The following CRY2 variants were observed in gnomAD, a reference collection of about 807,000 sequenced individuals.
The protein encoded by CRY2 is cryptochrome circadian regulator 2.
Under a neutral mutation model 69.5 loss-of-function variants are expected in CRY2, and 31 were observed. That is an observed-to-expected ratio of 0.45 (90% CI 0.34 to 0.60). The LOEUF (loss-of-function observed/expected upper bound fraction) is 0.60. Among genes scored for constraint, CRY2 ranks in the 20% least tolerant of loss-of-function variants. CRY2 has a pLI of 0.02. For missense variants in CRY2, 606 were observed against 797.8 expected, an observed-to-expected ratio of 0.76 and a Z score of 2.90; for synonymous variants, 303 against 312.2, an observed-to-expected ratio of 0.97 and a Z score of 0.31.
rs370942873 is a variant in CRY2, at chr11:45,861,036, C to A, written c.652+4C>A. On this transcript the variant is annotated splice_donor_region_variant and intron_variant, in intron 4 of 11. Coordinates refer to ENST00000616080, the MANE Select transcript of CRY2 (RefSeq NM_021117.5). ...GTGCCCTCCCTGGAGGAGCTGGGTG[C>A]GTACTTCCTGCCCAGAGCCACTTGT... is the stretch of plus-strand genomic sequence containing the variant. 32 of 1,609,190 alleles carry A rather than the reference C, an allele frequency of 2.0e-5. 1 individual carries two copies. In the South Asian group the frequency reaches 3.5e-4, roughly 18 times the overall value.
At chr11:45,866,630 A>G (rs2086332589) in intron 5 of CRY2, among the ~76,000 whole-genome samples, 1 of 152,260 alleles carries the variant, frequency 6.6e-6, no homozygotes, top group Non-Finnish European at 1.5e-5. Context: ...GTTAGAGACC[A>G]GCCTGGCCAA....
chr11:45,870,593 C>T (rs2086371017), intron 9 of CRY2, 61 bp downstream of exon 9: 1 of 1,575,572 alleles, frequency 6.3e-7, no homozygotes, highest in Admixed American at 1.7e-5. Flanking sequence ...CTCAGGGGGC[C>T]AGATGGGGAT....
At chr11:45,847,470 G>T, upstream of CRY2, 2 of 1,599,354 alleles carry the variant, frequency 1.3e-6, no homozygotes. Flanking sequence ...AGCGGGGGTG[G>T]CTGGAGCAGT....
chr11:45,857,122 T>A (rs986798325), intron 2 of CRY2, among the ~76,000 whole-genome samples: 4 of 152,018 alleles, frequency 2.6e-5, no homozygotes, highest in Admixed American at 2.6e-4. Context: ...ATCCTTCAAT[T>A]CCCCTCCCCG....
chr11:45,847,554 G>T lies in CRY2; in HGVS notation c.64G>T (p.Ala22Ser). The change falls in exon 1 of 12, where the codon GCC becomes TCC. Residue 22 changes from alanine to serine, a missense_variant. Coordinates refer to ENST00000616080, the MANE Select transcript of CRY2 (RefSeq NM_021117.5). ...APAPAPGTDS[A>S]SSVHWFRKGL... ...GGCGCCAGCGCCCGGCACGGACAGC[G>T]CCTCTTCGGTGCACTGGTTCCGCAA... 6.3e-7 allele frequency: 1 copy of T among 1,593,016 alleles called. No homozygotes were observed.
intron 2 of CRY2, 22 bp downstream of exon 2, chr11:45,856,112 G>A (rs768698727): frequency 7.0e-6 from 11 of 1,570,940 alleles, no homozygotes; most frequent in African/African-American, 6.8e-5. Context: ...GAGCCCCAGA[G>A]AAGACAGTGA....
chr11:45,850,667 T>G (rs948678216), intron 1 of CRY2, among the ~76,000 whole-genome samples: 2 of 152,136 alleles, frequency 1.3e-5, no homozygotes, highest in African/African-American at 4.8e-5. Context: ...CCGTGGTTGT[T>G]TCTGGATTCC....
At chr11:45,861,643 T>C (rs1466430009) in intron 4 of CRY2, 1 of 187,656 alleles carries the variant, frequency 5.3e-6, no homozygotes, top group Non-Finnish European at 1.1e-5. Context: ...GGTTTCACCA[T>C]GTTGGCCAGG....
rs1488085828 is a variant in CRY2, at chr11:45,882,779, AAGGCCG to A, written c.*1874_*1879del. 2.5e-5 allele frequency: 10 copies of A among 398,572 alleles called. No individual in the cohort carries two copies. The allele number at this position is 398,572 out of a possible 1,614,324, so 24.7% of individuals were successfully genotyped here. A position where few individuals can be genotyped will look rare whatever the true frequency, so the allele number is the denominator to read the frequency against. On this transcript the variant is annotated 3_prime_UTR_variant, in exon 12 of 12. Coordinates refer to ENST00000616080, the MANE Select transcript of CRY2 (RefSeq NM_021117.5). ...GGCAAATCTGAGAGTGGGAAGGCCA[AAGGCCG>A]AGGCCCAGATTTAGTATTCACTAGC...
At chr11:45,847,275 A>G, upstream of CRY2, 1 of 1,550,628 alleles carries the variant, frequency 6.4e-7, no homozygotes, top group Non-Finnish European at 8.7e-7. Flanking sequence ...GGGCGGACCC[A>G]CACATGGTAG....
In CRY2 at chr11:45,882,633, G is replaced by T; in HGVS notation, c.*1722G>T. Reference sequence around the variant, plus strand: ...GTCCCATCATCGTGGGAGGGGAGCAGGGCACAGGGGATGGTGTGCATTCAG... The same window carrying T: ...GTCCCATCATCGTGGGAGGGGAGCATGGCACAGGGGATGGTGTGCATTCAG... On this transcript the variant is annotated 3_prime_UTR_variant, in exon 12 of 12. Coordinates refer to ENST00000616080, the MANE Select transcript of CRY2 (RefSeq NM_021117.5). The T allele has an allele frequency of 2.5e-6, 1 of 399,132 alleles. No individual in the cohort carries two copies. The highest frequency in any genetic ancestry group is 4.4e-6 in the Non-Finnish European group (1 of 226,130). 24.7% of individuals were successfully genotyped at this position (399,132 alleles called of 1,614,324 possible).
At chr11:45,851,511 C>T (rs2086199163) in intron 1 of CRY2, among the ~76,000 whole-genome samples, 1 of 152,192 alleles carries the variant, frequency 6.6e-6, no homozygotes, top group African/African-American at 2.4e-5. Context: ...GAAACAGGAG[C>T]TTCTCTGAGC....
At chr11:45,875,315 A>G (rs539226442) in intron 11 of CRY2, among the ~76,000 whole-genome samples, 1 of 152,342 alleles carries the variant, frequency 6.6e-6, no homozygotes, top group African/African-American at 2.4e-5. Flanking sequence ...GGGTCTGATT[A>G]TGGAGGGTTG....
chr11:45,865,410 T>C (rs569141042), intron 5 of CRY2, among the ~76,000 whole-genome samples: 15 of 152,320 alleles, frequency 9.8e-5, no homozygotes, highest in Admixed American at 5.9e-4. Context: ...TGTGTGTGAT[T>C]TTCTGTATCC....
chr11:45,856,279 A>G, intron 2 of CRY2, 189 bp downstream of exon 2: 1 of 561,926 alleles, frequency 1.8e-6, no homozygotes. Context: ...TGTTAAGGAA[A>G]AAAATTCTGG....
In CRY2 at chr11:45,870,472, CG is replaced by C. The variant is rs2086369358; in HGVS notation, c.1491del (p.Asn499ThrfsTer5). Reference sequence around the variant, plus strand: ...CATCGTCAACCATGCCGAGACCAGCCGGCTTAACATTGAACGAATGAAGCAG... The same window carrying C: ...CATCGTCAACCATGCCGAGACCAGCCGCTTAACATTGAACGAATGAAGCAG... ...RPIVNHAETS[R>X]LNIERMKQIY... On this transcript the variant is annotated frameshift_variant, in exon 9 of 12. Coordinates refer to ENST00000616080, the MANE Select transcript of CRY2 (RefSeq NM_021117.5). LOFTEE classifies it high-confidence loss of function. 6 of 1,614,200 alleles carry C rather than the reference CG, an allele frequency of 3.7e-6. No homozygotes were observed. The highest frequency in any genetic ancestry group is 5.1e-6 in the Non-Finnish European group (6 of 1,180,038).
At chr11:45,868,756 C>T (rs1457476136) in intron 6 of CRY2, among the ~76,000 whole-genome samples, 1 of 152,160 alleles carries the variant, frequency 6.6e-6, no homozygotes, top group African/African-American at 2.4e-5. Flanking sequence ...ATCTCAGCCT[C>T]CCCAGCAGTT....
intron 5 of CRY2, among the ~76,000 whole-genome samples, chr11:45,864,216 T>C (rs914322700): frequency 4.6e-5 from 7 of 152,128 alleles, no homozygotes; most frequent in African/African-American, 1.7e-4. Context: ...AAATCCAGAC[T>C]GTGGGAATCT....
At chr11:45,847,159 A>T (rs2086154768), upstream of CRY2, 3 of 1,543,710 alleles carry the variant, frequency 1.9e-6, no homozygotes, top group Non-Finnish European at 2.6e-6. Flanking sequence ...CGTGGGTAAG[A>T]GATCCGCTGT....
Sources: allele counts gnomAD v4.1 joint callset (sites outside exome capture counted in the v4.1 genomes callset), GRCh38; gene constraint gnomAD v4.1.1; transcripts MANE v1.5; gene names NCBI Gene and HGNC (gene_info 2026-07-23, HGNC 2026-07-21).